CEP170: variants seen among roughly 807,000 people sequenced by gnomAD.
CEP170 encodes centrosomal protein of 170 kDa.
CEP170 carries 21 observed loss-of-function variants against 151.9 expected under a neutral mutation model. That is an observed-to-expected ratio of 0.14 (90% CI 0.10 to 0.20). The LOEUF (loss-of-function observed/expected upper bound fraction) is 0.20, where lower values mean the gene tolerates loss of function less well. Ranked by LOEUF, CEP170 falls within the 10% of genes least tolerant of loss-of-function variation. The probability of loss-of-function intolerance (pLI) is 1.00; values close to 1 mark genes in which losing one functional copy is unlikely to be tolerated. For synonymous variants in CEP170, 356 were observed against 648.8 expected (o/e 0.55, Z 6.86); for missense variants, 964 against 1,892.9 (o/e 0.51, Z 9.11).
chr1:243,193,478 T>C (rs534634535), intron 7 of CEP170, among the ~76,000 whole-genome samples: 1 of 151,826 alleles, frequency 6.6e-6, no homozygotes, highest in South Asian at 2.1e-4. Context: ...TGATCCACTA[T>C]ACAGAGAGCT....
At chr1:243,149,469 C>G (rs1348978142) in intron 14 of CEP170, among the ~76,000 whole-genome samples, 2 of 152,066 alleles carry the variant, frequency 1.3e-5, no homozygotes, top group African/African-American at 2.4e-5. Flanking sequence ...TCACTGTCAT[C>G]TGAACCTGTG....
At chr1:243,158,821 C>A (rs918671804) in intron 13 of CEP170, among the ~76,000 whole-genome samples, 1 of 152,084 alleles carries the variant, frequency 6.6e-6, no homozygotes. Flanking sequence ...GTAATCCCAG[C>A]ACTTTGGGAG....
rs866121996 is a variant in CEP170 at position 243,137,120 on chromosome 1, T to C, written c.4231-889A>G. ...CCATAAATAATGAGCAAATTATGCATGTGGACATAGCCGTGTTGTAACAAA... is the reference window on the plus strand; with the variant it reads ...CCATAAATAATGAGCAAATTATGCACGTGGACATAGCCGTGTTGTAACAAA... On this transcript the variant is annotated intron_variant, in intron 16 of 19. Transcript: ENST00000366542. 3.9e-5 allele frequency among the ~76,000 whole-genome samples: 6 copies of C among 152,370 alleles called. No homozygotes were observed. The Middle Eastern group carries it at 0.01, about 259-fold the overall frequency.
intron 15 of CEP170, among the ~76,000 whole-genome samples, chr1:243,142,113 G>A (rs1342094005): frequency 6.6e-5 from 10 of 152,204 alleles, no homozygotes; most frequent in Admixed American, 5.2e-4. Context: ...TTCCAGCTTC[G>A]TGTTAATAGT....
intron 3 of CEP170, among the ~76,000 whole-genome samples, chr1:243,217,143 G>A (rs2062370786): frequency 6.6e-6 from 1 of 152,120 alleles, no homozygotes; most frequent in Admixed American, 6.6e-5. Context: ...ACACAGATAG[G>A]AATTCTTCAG....
chr1:243,213,387 G>A (rs911269219), intron 3 of CEP170, among the ~76,000 whole-genome samples: 1 of 152,086 alleles, frequency 6.6e-6, no homozygotes, highest in African/African-American at 2.4e-5. Flanking sequence ...AAAGAGCACA[G>A]TTGAAAATCC....
intron 16 of CEP170, among the ~76,000 whole-genome samples, chr1:243,139,614 A>C (rs960332433): frequency 2.0e-5 from 3 of 152,166 alleles, no homozygotes; most frequent in Non-Finnish European, 2.9e-5. Flanking sequence ...CCCTAGTACA[A>C]TATTGAAAGA....
intron 11 of CEP170, among the ~76,000 whole-genome samples, chr1:243,172,256 A>G (rs2058900176): frequency 6.6e-6 from 1 of 152,250 alleles, no homozygotes; most frequent in African/African-American, 2.4e-5. Context: ...GGCTTTCATT[A>G]GAAAATAAAT....
chr1:243,163,949 C>T (rs1327679091), intron 13 of CEP170, among the ~76,000 whole-genome samples: 1 of 145,252 alleles, frequency 6.9e-6, no homozygotes, highest in African/African-American at 2.5e-5. Flanking sequence ...AAACCAGATA[C>T]TTCCAGATAA....
intron 3 of CEP170, among the ~76,000 whole-genome samples, chr1:243,214,160 G>A (rs2062050536): frequency 6.6e-6 from 1 of 151,888 alleles, no homozygotes; most frequent in Non-Finnish European, 1.5e-5. Flanking sequence ...AGATGATGTA[G>A]ACATAAAATT....
Position 243,211,500 on chromosome 1 carries a change from C to G in CEP170, c.274+386G>C, listed in dbSNP as rs1249083098. On this transcript the variant is annotated intron_variant, in intron 4 of 19. Transcript: ENST00000366542. ...GTAGGTTTAAATTCTTACATTCATC[C>G]CAGGAGGCTGATTCATGCATCATGT... 5 of 167,980 alleles carry G rather than the reference C, an allele frequency of 3.0e-5. No homozygotes were observed. In the South Asian group the frequency reaches 7.4e-4, roughly 25 times the overall value. 10.4% of individuals were successfully genotyped at this position (167,980 alleles called of 1,614,324 possible).
At chr1:243,154,881 C>T (rs1475556535) in intron 14 of CEP170, among the ~76,000 whole-genome samples, 1 of 152,052 alleles carries the variant, frequency 6.6e-6, no homozygotes, top group Non-Finnish European at 1.5e-5. Context: ...GAGAGGAGGC[C>T]TCCTGCCAGG....
chr1:243,227,917 A>AG (rs1433982630), intron 1 of CEP170, among the ~76,000 whole-genome samples: 1 of 152,220 alleles, frequency 6.6e-6, no homozygotes, highest in Non-Finnish European at 1.5e-5. Context: ...GACAGATGTG[A>AG]GTCTGAATCC....
chr1:243,132,517 C>T (rs1199997494), intron 17 of CEP170, among the ~76,000 whole-genome samples: 2 of 152,140 alleles, frequency 1.3e-5, no homozygotes, highest in South Asian at 2.1e-4. Context: ...ACTCAACACT[C>T]GAACTGAAGG....
At chr1:243,249,896 C>G (rs1378757364) in intron 1 of CEP170, among the ~76,000 whole-genome samples, 1 of 152,212 alleles carries the variant, frequency 6.6e-6, no homozygotes, top group African/African-American at 2.4e-5. Context: ...TCCTGGCCAA[C>G]ATGGTGAAAC....
intron 7 of CEP170, among the ~76,000 whole-genome samples, chr1:243,195,628 T>C (rs2060597460): frequency 2.0e-5 from 3 of 151,986 alleles, no homozygotes. Flanking sequence ...AAGAGTATGC[T>C]ACAGGATAAA....
intron 1 of CEP170, among the ~76,000 whole-genome samples, chr1:243,227,368 T>A (rs1036942765): frequency 1.3e-5 from 2 of 152,250 alleles, no homozygotes; most frequent in Non-Finnish European, 2.9e-5. Context: ...CTCAGTCATT[T>A]GTTTAAAGTA....
At chr1:243,163,088 G>T (rs2058192243) in intron 13 of CEP170, 1 of 152,184 alleles carries the variant, frequency 6.6e-6, no homozygotes, top group Non-Finnish European at 1.5e-5. Flanking sequence ...AGAGATACAG[G>T]TGAATGGAGT....
intron 3 of CEP170, 33 bp downstream of exon 3, chr1:243,221,691 T>C (rs1468832865): frequency 6.4e-7 from 1 of 1,564,098 alleles, no homozygotes; most frequent in African/African-American, 1.4e-5. Flanking sequence ...AAACAAATGT[T>C]CAAACAAGAC....
Sources: gnomAD v4.1 joint callset for allele counts (sites outside exome capture counted in the v4.1 genomes callset) on GRCh38, gnomAD v4.1.1 for gene constraint, MANE v1.5 for transcripts, NCBI Gene and HGNC (gene_info 2026-07-23, HGNC 2026-07-21) for gene names.